PEBP4: variants seen among roughly 807,000 people sequenced by gnomAD.
PEBP4 encodes the protein phosphatidylethanolamine-binding protein 4.
A neutral mutation model predicts 23.9 loss-of-function variants in PEBP4; 22 were observed. That is an observed-to-expected ratio of 0.92 (90% CI 0.66 to 1.31). PEBP4 has a LOEUF of 1.31. PEBP4 is among the 40% of genes most tolerant of loss of function. PEBP4 has a pLI of 0.00. For synonymous variants in PEBP4, 112 were observed against 99.3 expected, an observed-to-expected ratio of 1.13 and a Z score of -0.76; for missense variants, 324 against 281.7, an observed-to-expected ratio of 1.15 and a Z score of -1.07.
intron 3 of PEBP4, among the ~76,000 whole-genome samples, chr8:22,900,027 C>T (rs1403361668): frequency 1.3e-5 from 2 of 152,218 alleles, no homozygotes; most frequent in East Asian, 3.9e-4. Context: ...CACCTGCCTG[C>T]ATGACCTCTG....
At chr8:22,830,147 T>TGTGTGTGTG (rs1393564112) in intron 3 of PEBP4, among the ~76,000 whole-genome samples, 1 of 80,900 alleles carries the variant, frequency 1.2e-5, no homozygotes, top group Non-Finnish European at 2.5e-5. Flanking sequence ...GTGTGTGTGT[T>TGTGTGTGTG]TTTACGGAGT....
At chr8:22,806,497 C>T (rs1429377072) in intron 4 of PEBP4, among the ~76,000 whole-genome samples, 1 of 151,898 alleles carries the variant, frequency 6.6e-6, no homozygotes, top group African/African-American at 2.4e-5. Context: ...TGCATGTAAT[C>T]CCAGCTACTC....
At chr8:22,920,124 C>T in intron 3 of PEBP4, 60 bp downstream of exon 3, 1 of 1,578,124 alleles carries the variant, frequency 6.3e-7, no homozygotes, top group Non-Finnish European at 8.7e-7. Context: ...ATGAGCAAGC[C>T]TGGAGGAACA....
intron 4 of PEBP4, among the ~76,000 whole-genome samples, chr8:22,739,742 G>A (rs908684623): frequency 6.6e-6 from 1 of 152,148 alleles, no homozygotes; most frequent in Non-Finnish European, 1.5e-5. Flanking sequence ...TCTCCCCTCT[G>A]TCTGGGTAAG....
chr8:22,744,493 T>C (rs1805069673), intron 4 of PEBP4: 1 of 152,254 alleles, frequency 6.6e-6, no homozygotes, highest in East Asian at 1.9e-4. Flanking sequence ...CTCCAGGCCA[T>C]CTGCCGAAAA....
intron 3 of PEBP4, among the ~76,000 whole-genome samples, chr8:22,848,577 C>T (rs955401380): frequency 6.6e-6 from 1 of 152,076 alleles, no homozygotes; most frequent in Non-Finnish European, 1.5e-5. Context: ...CCTGGCTGTT[C>T]CCATGCACAT....
intron 2 of PEBP4, among the ~76,000 whole-genome samples, chr8:22,925,968 CTTGTTTGTTTTT>C (rs898021302): frequency 6.6e-6 from 1 of 152,068 alleles, no homozygotes; most frequent in Non-Finnish European, 1.5e-5. Context: ...TGTTTTCTTG[CTTGTTTGTTTTT>C]TTGTTTGTTT....
At chr8:22,805,651 A>G (rs575550283) in intron 4 of PEBP4, among the ~76,000 whole-genome samples, 7 of 152,308 alleles carry the variant, frequency 4.6e-5, no homozygotes, top group Admixed American at 2.6e-4. Context: ...AAGTTCGTCA[A>G]TTATAACAAA....
intron 5 of PEBP4, among the ~76,000 whole-genome samples, chr8:22,726,132 C>T (rs1473775869): frequency 1.3e-5 from 2 of 151,958 alleles, no homozygotes; most frequent in African/African-American, 2.4e-5. Flanking sequence ...ACATGAACAG[C>T]CAGTGTGCAA....
At chr8:22,935,669 T>C (rs940364716) in intron 1 of PEBP4, among the ~76,000 whole-genome samples, 4 of 152,196 alleles carry the variant, frequency 2.6e-5, no homozygotes, top group African/African-American at 9.7e-5. Flanking sequence ...CAAAACTTTG[T>C]TTTATGCACA....
intron 4 of PEBP4, among the ~76,000 whole-genome samples, chr8:22,737,714 C>G (rs1472192520): frequency 6.6e-6 from 1 of 152,220 alleles, no homozygotes; most frequent in South Asian, 2.1e-4. Context: ...AATGTCATTA[C>G]CAATCAGCTA....
intron 4 of PEBP4, among the ~76,000 whole-genome samples, chr8:22,767,368 C>T (rs892274613): frequency 6.6e-6 from 1 of 152,092 alleles, no homozygotes; most frequent in Non-Finnish European, 1.5e-5. Context: ...TTGAATAATC[C>T]CCCCCACCAA....
intron 4 of PEBP4, among the ~76,000 whole-genome samples, chr8:22,746,435 G>T (rs1403325528): frequency 6.6e-6 from 1 of 152,172 alleles, no homozygotes; most frequent in African/African-American, 2.4e-5. Flanking sequence ...GGAGGGTGCG[G>T]TGGGGAGAGT....
chr8:22,795,163 A>ATTTTTTTTTTTTTTTTTT (rs33911395), intron 4 of PEBP4, among the ~76,000 whole-genome samples: 2 of 47,346 alleles, frequency 4.2e-5, no homozygotes, highest in African/African-American at 1.0e-4. Flanking sequence ...ATATATATAT[A>ATTTTTTTTTTTTTTTTTT]TTTTTTTTTT....
At chr8:22,924,884 T>C (rs1585160008) in intron 2 of PEBP4, 5 of 985,268 alleles carry the variant, frequency 5.1e-6, no homozygotes, top group Non-Finnish European at 4.8e-6. Context: ...CTCTTAACAA[T>C]GTCTCACAGC....
chr8:22,832,927 G>A (rs1379121605), intron 3 of PEBP4, among the ~76,000 whole-genome samples: 1 of 151,460 alleles, frequency 6.6e-6, no homozygotes, highest in Non-Finnish European at 1.5e-5. Context: ...ACTGTCCCTA[G>A]TCCCAATCAT....
intron 6 of PEBP4, among the ~76,000 whole-genome samples, chr8:22,719,962 TGTG>T (rs1804487455): frequency 6.6e-6 from 1 of 152,194 alleles, no homozygotes; most frequent in African/African-American, 2.4e-5. Context: ...TGTTTGCAAA[TGTG>T]GGGGTGTGAG....
intron 6 of PEBP4, among the ~76,000 whole-genome samples, chr8:22,721,214 G>C (rs1348244903): frequency 1.3e-5 from 2 of 152,126 alleles, no homozygotes; most frequent in African/African-American, 4.8e-5. Context: ...GACATTCCGG[G>C]AAGCTGGGAG....
chr8:22,727,621 G>A (rs142560449), intron 4 of PEBP4, among the ~76,000 whole-genome samples: 125 of 152,262 alleles, frequency 8.2e-4, no homozygotes, highest in African/African-American at 2.8e-3. Flanking sequence ...AGGCGCTTAG[G>A]TCTGCAGTTC....
Sources: allele counts gnomAD v4.1 joint callset (sites outside exome capture counted in the v4.1 genomes callset), GRCh38; gene constraint gnomAD v4.1.1; transcripts MANE v1.5; gene names NCBI Gene and HGNC (gene_info 2026-07-23, HGNC 2026-07-21).